The following LRMDA variants were observed in gnomAD, a reference collection of about 807,000 sequenced individuals.
LRMDA encodes the protein leucine-rich melanocyte differentiation-associated protein.
LRMDA carries 18 observed loss-of-function variants against 29.8 expected under a neutral mutation model. The observed-to-expected ratio is 0.60, with a 90% CI of 0.42 to 0.90. The LOEUF is 0.90. Among genes scored for constraint, LRMDA ranks in the 40% least tolerant of loss-of-function variants. The probability of loss-of-function intolerance (pLI) is 0.00; values close to 1 mark genes in which losing one functional copy is unlikely to be tolerated. For synonymous variants in LRMDA, 125 were observed against 109.4 expected (o/e 1.14, Z -0.89); for missense variants, 273 against 273.9 (o/e 1.00, Z 0.02).
At chr10:75,854,405 C>T (rs190542896) in intron 2 of LRMDA, among the ~76,000 whole-genome samples, 152 of 152,080 alleles carry the variant, frequency 1.0e-3, no homozygotes, top group Non-Finnish European at 1.5e-3. Flanking sequence ...ATATTGGCCA[C>T]CCCCCATGCC....
rs926056711 is a variant in LRMDA at position 76,337,512 on chromosome 10, C to G, written c.601+13027C>G. 2.6e-5 allele frequency among the ~76,000 whole-genome samples: 4 copies of G among 152,044 alleles called. No homozygotes were observed. In the East Asian group the frequency reaches 7.7e-4, roughly 29 times the overall value. On this transcript the variant is annotated intron_variant, in intron 6 of 6. Coordinates refer to ENST00000611255, the MANE Select transcript of LRMDA (RefSeq NM_001305581.2). ...AAAGTGGTCCAGGCTGAGGAAGGAG[C>G]AAGTGCAAGGCCCTGAGGTGGGAGC...
chr10:75,893,676 C>A (rs1845533280), intron 2 of LRMDA, among the ~76,000 whole-genome samples: 2 of 152,306 alleles, frequency 1.3e-5, no homozygotes, highest in South Asian at 4.1e-4. Flanking sequence ...TGGCTCACAC[C>A]TGTAATCCCA....
chr10:75,688,551 A>G (rs1009591366), intron 2 of LRMDA, among the ~76,000 whole-genome samples: 3 of 152,214 alleles, frequency 2.0e-5, no homozygotes, highest in African/African-American at 7.2e-5. Context: ...GATGGAATCT[A>G]CTCCTGGTGA....
In LRMDA at chr10:75,757,744, C is replaced by T. The variant is rs114167815; in HGVS notation, c.132-278264C>T. Among the ~76,000 whole-genome samples the T allele has an allele frequency of 1.1e-3, 163 of 151,968 alleles. 1 individual carries two copies. The highest frequency in any genetic ancestry group is 3.8e-3 in the African/African-American group (158 of 41,458). On this transcript the variant is annotated intron_variant, in intron 2 of 6. Coordinates refer to ENST00000611255, the MANE Select transcript of LRMDA (RefSeq NM_001305581.2). ...CCAGCTATTTTAATTTAAATCAGAC[C>T]ACTTTACTCTGCATTGTAAAGTTTG...
chr10:76,150,759 G>A (rs1156325491), intron 5 of LRMDA, among the ~76,000 whole-genome samples: 5 of 152,280 alleles, frequency 3.3e-5, no homozygotes, highest in East Asian at 1.9e-4. Flanking sequence ...CAAGGATAGC[G>A]AACACACTTA....
chr10:75,987,635 C>G (rs1178076709), intron 2 of LRMDA, among the ~76,000 whole-genome samples: 2 of 152,190 alleles, frequency 1.3e-5, no homozygotes, highest in African/African-American at 4.8e-5. Context: ...TCACCCCACC[C>G]CATCACCCTC....
intron 2 of LRMDA, among the ~76,000 whole-genome samples, chr10:75,785,605 C>T (rs1307490776): frequency 4.6e-5 from 7 of 152,136 alleles, no homozygotes; most frequent in East Asian, 1.9e-4. Flanking sequence ...TTAGATAAAG[C>T]GTGGCCTGTG....
chr10:76,261,226 G>A (rs188462841), intron 5 of LRMDA, among the ~76,000 whole-genome samples: 15 of 151,526 alleles, frequency 9.9e-5, no homozygotes, highest in East Asian at 9.7e-4. Context: ...CACCACGCCC[G>A]GATAATTTTT....
chr10:76,098,803 A>G (rs1216554386), intron 5 of LRMDA, among the ~76,000 whole-genome samples: 2 of 152,186 alleles, frequency 1.3e-5, no homozygotes, highest in African/African-American at 4.8e-5. Flanking sequence ...AGTCTCTCCA[A>G]GCATTTAGGA....
intron 5 of LRMDA, among the ~76,000 whole-genome samples, chr10:76,273,102 G>A (rs1355129109): frequency 6.6e-6 from 1 of 151,960 alleles, no homozygotes; most frequent in African/African-American, 2.4e-5. Context: ...CTCTCACTTA[G>A]GGCAAAATTT....
intron 6 of LRMDA, among the ~76,000 whole-genome samples, chr10:76,391,746 GC>G (rs1245648880): frequency 5.9e-5 from 9 of 152,162 alleles, no homozygotes; most frequent in African/African-American, 2.2e-4. Flanking sequence ...GGATAGCCCA[GC>G]TCCTGATTCT....
chr10:76,405,194 C>T (rs1841889998), intron 6 of LRMDA, among the ~76,000 whole-genome samples: 1 of 152,120 alleles, frequency 6.6e-6, no homozygotes, highest in Admixed American at 6.5e-5. Flanking sequence ...ACTCATAAGA[C>T]CCCAAAGAAT....
chr10:75,751,030 A>C (rs1182842100), intron 2 of LRMDA, among the ~76,000 whole-genome samples: 2 of 152,178 alleles, frequency 1.3e-5, no homozygotes, highest in Non-Finnish European at 2.9e-5. Context: ...GGCAACATTG[A>C]GCACTGAGTG....
chr10:75,453,785 G>C (rs577865997), intron 2 of LRMDA, among the ~76,000 whole-genome samples: 1 of 152,172 alleles, frequency 6.6e-6, no homozygotes, highest in African/African-American at 2.4e-5. Context: ...TTGCCCACTC[G>C]CTCGCATGTC....
chr10:76,349,463 T>C (rs983446975), intron 6 of LRMDA, among the ~76,000 whole-genome samples: 1 of 152,028 alleles, frequency 6.6e-6, no homozygotes, highest in Non-Finnish European at 1.5e-5. Context: ...CTCACATACA[T>C]ACATATATAT....
chr10:76,000,030 CAA>C (rs200320720), intron 2 of LRMDA, among the ~76,000 whole-genome samples: 1 of 151,390 alleles, frequency 6.6e-6, no homozygotes, highest in Non-Finnish European at 1.5e-5. Context: ...ATTTGTCTGT[CAA>C]AAAAAAGCTG....
At chr10:76,421,673 C>A (rs1453541941) in intron 6 of LRMDA, among the ~76,000 whole-genome samples, 1 of 152,080 alleles carries the variant, frequency 6.6e-6, no homozygotes, top group East Asian at 1.9e-4. Flanking sequence ...GTATAGTTGT[C>A]ATTTCTTTTC....
intron 2 of LRMDA, among the ~76,000 whole-genome samples, chr10:75,989,712 C>G (rs1215542078): frequency 1.3e-5 from 2 of 152,288 alleles, no homozygotes; most frequent in African/African-American, 2.4e-5. Context: ...TTTTATTATC[C>G]CACTTTGCAG....
At chr10:75,779,528 G>T (rs571440405) in intron 2 of LRMDA, among the ~76,000 whole-genome samples, 248 of 152,294 alleles carry the variant, frequency 1.6e-3, no homozygotes, top group African/African-American at 5.5e-3. Flanking sequence ...CTAGCCCTGG[G>T]CCCATAAACA....
Sources: allele counts gnomAD v4.1 joint callset (sites outside exome capture counted in the v4.1 genomes callset), GRCh38; gene constraint gnomAD v4.1.1; transcripts MANE v1.5; gene names NCBI Gene and HGNC (gene_info 2026-07-23, HGNC 2026-07-21).